SNX24: variants seen among roughly 807,000 people sequenced by gnomAD.
SNX24 encodes sorting nexin 24, also known as sorting nexin-24.
A neutral mutation model predicts 28.7 loss-of-function variants in SNX24; 22 were observed. That is an observed-to-expected ratio of 0.77 (90% CI 0.55 to 1.10). The LOEUF (loss-of-function observed/expected upper bound fraction) is 1.10. Ranked by LOEUF, SNX24 falls within the 50% of genes least tolerant of loss-of-function variation. SNX24 has a pLI of 0.00. For synonymous variants in SNX24, 69 were observed against 71.5 expected, an observed-to-expected ratio of 0.96 and a Z score of 0.18; for missense variants, 221 against 201.1, an observed-to-expected ratio of 1.10 and a Z score of -0.60.
intron 1 of SNX24, chr5:122,890,935 G>A (rs1756941429): frequency 8.2e-7 from 1 of 1,219,482 alleles, no homozygotes. Flanking sequence ...ATCCCTTCAA[G>A]ATTTTTCTGC....
intron 1 of SNX24, among the ~76,000 whole-genome samples, chr5:122,868,483 G>T (rs1285347286): frequency 6.6e-6 from 1 of 152,046 alleles, no homozygotes; most frequent in Non-Finnish European, 1.5e-5. Flanking sequence ...AAAATTCTAA[G>T]AACCAGCATT....
intron 3 of SNX24, among the ~76,000 whole-genome samples, chr5:122,975,883 G>T (rs948844192): frequency 6.6e-6 from 1 of 152,118 alleles, no homozygotes; most frequent in African/African-American, 2.4e-5. Flanking sequence ...ACCTTTAAGG[G>T]AACTGAAATT....
downstream of SNX24, among the ~76,000 whole-genome samples, chr5:123,013,017 T>G (rs1181538602): frequency 6.6e-6 from 1 of 152,222 alleles, no homozygotes; most frequent in African/African-American, 2.4e-5. Flanking sequence ...ATTTATTGAC[T>G]TTCATAACTC....
At chr5:122,871,861 G>T (rs1035514117) in intron 1 of SNX24, among the ~76,000 whole-genome samples, 1 of 152,104 alleles carries the variant, frequency 6.6e-6, no homozygotes, top group African/African-American at 2.4e-5. Context: ...GAGCCAGATA[G>T]ACTTGATTCC....
chr5:123,028,988 C>A (rs10066632), intron 5 of SNX24: 684,527 of 911,992 alleles, frequency 0.75, 260,840 homozygotes, highest in East Asian at 0.99. Flanking sequence ...GAACTTGATT[C>A]TATCCCAGCT....
At chr5:122,921,443 G>A (rs1758425725) in intron 1 of SNX24, among the ~76,000 whole-genome samples, 1 of 152,078 alleles carries the variant, frequency 6.6e-6, no homozygotes, top group Middle Eastern at 3.2e-3. Flanking sequence ...CCCAGAAAAG[G>A]TCTTATTCAA....
intron 5 of SNX24, among the ~76,000 whole-genome samples, chr5:123,022,137 C>T (rs538965670): frequency 6.6e-6 from 1 of 152,278 alleles, no homozygotes; most frequent in Non-Finnish European, 1.5e-5. Flanking sequence ...AGGCCCTTTT[C>T]TGTCCATTGT....
intron 1 of SNX24, among the ~76,000 whole-genome samples, chr5:122,900,295 T>C (rs1170303979): frequency 1.3e-5 from 2 of 152,118 alleles, no homozygotes; most frequent in African/African-American, 4.8e-5. Flanking sequence ...AATTAACATA[T>C]CTATCACCTC....
At chr5:122,852,348 CTT>C (rs879606693) in intron 1 of SNX24, among the ~76,000 whole-genome samples, 21 of 141,676 alleles carry the variant, frequency 1.5e-4, no homozygotes, top group Admixed American at 2.9e-4. Context: ...AGAATAGCTT[CTT>C]TTTTTTTTTT....
intron 3 of SNX24, among the ~76,000 whole-genome samples, chr5:122,957,163 C>T (rs1305622659): frequency 1.3e-5 from 2 of 152,142 alleles, no homozygotes; most frequent in Non-Finnish European, 2.9e-5. Flanking sequence ...TACATTTAGG[C>T]TCTGGATCCA....
chr5:123,010,827 A>G (rs779193696), downstream of SNX24, among the ~76,000 whole-genome samples: 23 of 151,640 alleles, frequency 1.5e-4, no homozygotes, highest in South Asian at 4.2e-4. Context: ...CAAAAATGGT[A>G]GCACGCAATA....
At chr5:122,865,342 A>G (rs10573402) in intron 1 of SNX24, among the ~76,000 whole-genome samples, 1 of 124,470 alleles carries the variant, frequency 8.0e-6, no homozygotes, top group Non-Finnish European at 1.7e-5. Flanking sequence ...ATGTATTTAT[A>G]TTTTTTGAGA....
At chr5:122,869,740 C>A (rs919917367) in intron 1 of SNX24, among the ~76,000 whole-genome samples, 1 of 152,120 alleles carries the variant, frequency 6.6e-6, no homozygotes, top group African/African-American at 2.4e-5. Context: ...ATCAAATCTG[C>A]TTTTTCCATC....
chr5:122,980,274 A>G (rs573130752), intron 3 of SNX24, among the ~76,000 whole-genome samples: 1 of 152,318 alleles, frequency 6.6e-6, no homozygotes, highest in East Asian at 1.9e-4. Flanking sequence ...CTGCAGATCT[A>G]CTTTACTGGG....
chr5:122,941,481 A>C (rs1005778743), intron 2 of SNX24, among the ~76,000 whole-genome samples: 1 of 152,144 alleles, frequency 6.6e-6, no homozygotes, highest in Non-Finnish European at 1.5e-5. Flanking sequence ...AAACCAAGAC[A>C]TTGCAAGTTC....
chr5:122,877,498 A>G (rs1003639367), intron 1 of SNX24, among the ~76,000 whole-genome samples: 1 of 152,208 alleles, frequency 6.6e-6, no homozygotes, highest in African/African-American at 2.4e-5. Flanking sequence ...TCTGAAAAGA[A>G]TATCTGGGCT....
downstream of SNX24, among the ~76,000 whole-genome samples, chr5:123,011,849 G>C (rs901493659): frequency 1.2e-4 from 18 of 152,200 alleles, no homozygotes; most frequent in Admixed American, 2.0e-4. Context: ...GAAGAAAGCA[G>C]GGACTCAAAC....
intron 1 of SNX24, among the ~76,000 whole-genome samples, chr5:122,922,693 C>T (rs976733476): frequency 2.0e-5 from 3 of 152,134 alleles, no homozygotes; most frequent in Admixed American, 6.5e-5. Flanking sequence ...TTGAAAATTA[C>T]AATTTTTCCC....
chr5:122,984,648 T>C (rs1338349250), intron 3 of SNX24, among the ~76,000 whole-genome samples: 1 of 152,244 alleles, frequency 6.6e-6, no homozygotes, highest in Non-Finnish European at 1.5e-5. Context: ...TTTGAAGTTA[T>C]GCTTTAACAG....
Sources: allele counts gnomAD v4.1 joint callset (sites outside exome capture counted in the v4.1 genomes callset), GRCh38; gene constraint gnomAD v4.1.1; transcripts MANE v1.5; gene names NCBI Gene and HGNC (gene_info 2026-07-23, HGNC 2026-07-21).